NTM: variants seen among roughly 807,000 people sequenced by gnomAD.
NTM encodes neurotrimin.
A neutral mutation model predicts 42.1 loss-of-function variants in NTM; 13 were observed. The ratio of observed to expected loss-of-function variants is 0.31; its 90% CI spans 0.20 to 0.49. The LOEUF is 0.49. Among genes scored for constraint, NTM ranks in the 20% least tolerant of loss-of-function variants. The pLI is 0.99. For missense variants in NTM, 373 were observed against 452.8 expected (o/e 0.82, Z 1.60); for synonymous variants, 187 against 179.2 (o/e 1.04, Z -0.35).
chr11:132,029,641 TA>T (rs1301409274), intron 2 of NTM, among the ~76,000 whole-genome samples: 1 of 152,134 alleles, frequency 6.6e-6, no homozygotes, highest in Admixed American at 6.5e-5. Context: ...TCAGTCCACA[TA>T]GTCCATCAGT....
chr11:131,791,624 T>C (rs2090953397), intron 1 of NTM, among the ~76,000 whole-genome samples: 1 of 152,202 alleles, frequency 6.6e-6, no homozygotes, highest in Non-Finnish European at 1.5e-5. Context: ...TCCAACAGTT[T>C]AGAAGACTTT....
intron 4 of NTM, among the ~76,000 whole-genome samples, chr11:132,215,540 A>G (rs1054832482): frequency 6.6e-6 from 1 of 152,210 alleles, no homozygotes; most frequent in Non-Finnish European, 1.5e-5. Context: ...AGTGACCATC[A>G]GGTGGAAACG....
intron 1 of NTM, among the ~76,000 whole-genome samples, chr11:131,843,949 A>AT (rs1687911851): frequency 6.7e-6 from 1 of 149,806 alleles, no homozygotes; most frequent in African/African-American, 2.5e-5. Flanking sequence ...GCAGTTGCAA[A>AT]TTTTTTCTCC....
intron 2 of NTM, among the ~76,000 whole-genome samples, chr11:132,142,069 A>C (rs1488858944): frequency 6.6e-6 from 1 of 152,210 alleles, no homozygotes; most frequent in Non-Finnish European, 1.5e-5. Flanking sequence ...TATATGTGGC[A>C]GGATGGGCAG....
chr11:131,746,997 C>T (rs1315770824), intron 1 of NTM, among the ~76,000 whole-genome samples: 1 of 152,022 alleles, frequency 6.6e-6, no homozygotes, highest in Non-Finnish European at 1.5e-5. Flanking sequence ...CTAACATATA[C>T]CTTTGTGGTG....
chr11:131,718,988 C>T (rs946304797), intron 1 of NTM, among the ~76,000 whole-genome samples: 2 of 152,142 alleles, frequency 1.3e-5, no homozygotes, highest in African/African-American at 4.8e-5. Flanking sequence ...CTGCTTATAG[C>T]AGCCTCAGCC....
chr11:132,084,892 C>G lies in NTM; in HGVS notation c.168-61390C>G, dbSNP rs142557665. 2.3e-3 allele frequency among the ~76,000 whole-genome samples: 355 copies of G among 152,254 alleles called. 1 individual carries two copies. Among genetic ancestry groups the G allele is most frequent in the Non-Finnish European group, 4.0e-3 (272 of 67,998 alleles). On this transcript the variant is annotated intron_variant, in intron 2 of 8. Coordinates refer to ENST00000683400, the MANE Select transcript of NTM (RefSeq NM_001352005.2). ...TCAACCCCAATTTATTAAATGAAAC[C>G]TTATAGAAAATTCTATGCAATCTTA...
At chr11:132,042,982 G>A (rs903363763) in intron 2 of NTM, among the ~76,000 whole-genome samples, 8 of 152,218 alleles carry the variant, frequency 5.3e-5, no homozygotes, top group South Asian at 4.2e-4. Flanking sequence ...GCTTATTACT[G>A]TTGATTTATG....
At chr11:132,324,420 C>A (rs2095636143) in intron 7 of NTM, among the ~76,000 whole-genome samples, 1 of 149,688 alleles carries the variant, frequency 6.7e-6, no homozygotes, top group Admixed American at 6.7e-5. Flanking sequence ...CTCCCATTCA[C>A]AATTGCTTGA....
chr11:131,786,629 T>C (rs1399840317), intron 1 of NTM, among the ~76,000 whole-genome samples: 1 of 152,186 alleles, frequency 6.6e-6, no homozygotes, highest in Non-Finnish European at 1.5e-5. Context: ...GCTTGACATA[T>C]ACAGCCATGA....
chr11:132,025,891 A>G (rs2075106513), intron 2 of NTM, among the ~76,000 whole-genome samples: 1 of 152,172 alleles, frequency 6.6e-6, no homozygotes, highest in African/African-American at 2.4e-5. Flanking sequence ...TTTCAATTGG[A>G]AGCAACCTCC....
intron 1 of NTM, among the ~76,000 whole-genome samples, chr11:131,867,841 C>T (rs904875242): frequency 6.6e-6 from 1 of 152,088 alleles, no homozygotes; most frequent in Admixed American, 6.5e-5. Flanking sequence ...GCACAGGCCA[C>T]GGAACCCCAC....
chr11:131,910,702 C>A, intron 1 of NTM: 1 of 353,088 alleles, frequency 2.8e-6, no homozygotes, highest in Non-Finnish European at 4.0e-6. Flanking sequence ...GGCTGCGCCG[C>A]GCCTTCCCCA....
At chr11:132,120,292 G>C (rs894462799) in intron 2 of NTM, among the ~76,000 whole-genome samples, 10 of 152,280 alleles carry the variant, frequency 6.6e-5, no homozygotes, top group Admixed American at 2.0e-4. Context: ...ATTTTTGAGA[G>C]AATGCCAGAA....
chr11:131,413,886 G>A (rs1346434089), intron 1 of NTM, among the ~76,000 whole-genome samples: 1 of 152,116 alleles, frequency 6.6e-6, no homozygotes, highest in Admixed American at 6.5e-5. Flanking sequence ...GGGGAGACGA[G>A]GAGGGCAGGG....
chr11:131,930,638 A>G (rs1379373970), intron 2 of NTM, among the ~76,000 whole-genome samples: 1 of 152,070 alleles, frequency 6.6e-6, no homozygotes, highest in East Asian at 1.9e-4. Context: ...ACTCCCACCT[A>G]TTCTCTACCC....
intron 1 of NTM, among the ~76,000 whole-genome samples, chr11:131,621,636 CAAAAAAAAAAAAAAA>C (rs527788930): frequency 3.0e-5 from 3 of 98,998 alleles, no homozygotes; most frequent in African/African-American, 7.0e-5. Context: ...CCTATCTTTA[CAAAAAAAAAAAAAAA>C]AAAAAAAAAA....
At chr11:132,013,338 T>G (rs1417577460) in intron 2 of NTM, among the ~76,000 whole-genome samples, 2 of 152,194 alleles carry the variant, frequency 1.3e-5, no homozygotes, top group Non-Finnish European at 2.9e-5. Context: ...CCGTTAAATG[T>G]TGTGCTTAGA....
At chr11:132,110,287 A>G (rs2062991878) in intron 2 of NTM, among the ~76,000 whole-genome samples, 1 of 152,250 alleles carries the variant, frequency 6.6e-6, no homozygotes, top group Non-Finnish European at 1.5e-5. Flanking sequence ...ACATAAGTGA[A>G]TAATGCACTC....
Sources: gnomAD v4.1 joint callset for allele counts (sites outside exome capture counted in the v4.1 genomes callset) on GRCh38, gnomAD v4.1.1 for gene constraint, MANE v1.5 for transcripts, NCBI Gene and HGNC (gene_info 2026-07-23, HGNC 2026-07-21) for gene names.